The following TTC7A variants were observed in gnomAD, a reference collection of about 807,000 sequenced individuals.
The protein encoded by TTC7A is tetratricopeptide repeat domain 7A, also known as tetratricopeptide repeat protein 7A.
Under a neutral mutation model 103.7 loss-of-function variants are expected in TTC7A, and 110 were observed. The observed-to-expected ratio is 1.06, with a 90% CI of 0.91 to 1.24. The LOEUF is 1.24. TTC7A is among the 50% of genes most tolerant of loss of function. TTC7A has a pLI of 0.00. For synonymous variants in TTC7A, 521 were observed against 467.9 expected (o/e 1.11, Z -1.47); for missense variants, 1,340 against 1,116.3 (o/e 1.20, Z -2.86).
At position 46,961,023 on chromosome 2, in the gene TTC7A, A is replaced by G. The variant is rs1012591401; in HGVS notation, c.517+4016A>G. On this transcript the variant is annotated intron_variant, in intron 3 of 19. Transcript: ENST00000319190. ...TCAGAAAATTTGCTTTTATATTTCA[A>G]CCTAACATCCATCAACTTGGTCTAG... Among the ~76,000 whole-genome samples the G allele has an allele frequency of 3.9e-5, 6 of 152,224 alleles. No homozygotes were observed. In the East Asian group the frequency reaches 1.2e-3, roughly 29 times the overall value.
intron 18 of TTC7A, among the ~76,000 whole-genome samples, chr2:47,053,356 A>AT (rs70940655): frequency 0.17 from 25,902 of 152,188 alleles, 2,332 homozygotes; most frequent in Non-Finnish European, 0.2. Context: ...AAGGGGCCGC[A>AT]TGGAGCCCCA....
At chr2:46,925,143 G>T (rs746205157) in intron 2 of TTC7A, among the ~76,000 whole-genome samples, 1 of 152,066 alleles carries the variant, frequency 6.6e-6, no homozygotes, top group Non-Finnish European at 1.5e-5. Context: ...TCAGTGATGG[G>T]GGTTGTCTGG....
intron 18 of TTC7A, among the ~76,000 whole-genome samples, chr2:47,053,548 TTGGTTGGTTGG>T (rs1558633140): frequency 2.2e-4 from 31 of 143,476 alleles, no homozygotes; most frequent in Admixed American, 3.4e-4. Flanking sequence ...GTTTGTTTGG[TTGGTTGGTTGG>T]TTGGTTGGTT....
chr2:46,970,086 C>T (rs1231465471), intron 3 of TTC7A, among the ~76,000 whole-genome samples: 1 of 152,074 alleles, frequency 6.6e-6, no homozygotes, highest in Non-Finnish European at 1.5e-5. Flanking sequence ...ACCTCCCGGG[C>T]TCAAGCAATT....
chr2:47,028,064 G>T (rs1680106357), intron 14 of TTC7A, among the ~76,000 whole-genome samples: 1 of 152,198 alleles, frequency 6.6e-6, no homozygotes, highest in Non-Finnish European at 1.5e-5. Context: ...TCGGAGGCAA[G>T]GAGAGGGGCC....
intron 2 of TTC7A, among the ~76,000 whole-genome samples, chr2:46,955,634 G>A (rs1447642757): frequency 6.6e-6 from 1 of 152,200 alleles, no homozygotes; most frequent in Non-Finnish European, 1.5e-5. Flanking sequence ...AGGCCAGAAG[G>A]ACCAGTTGGG....
rs976135307 is a variant in TTC7A at position 47,007,573 on chromosome 2, C to T, written c.1287+849C>T. On this transcript the variant is annotated intron_variant, in intron 10 of 19. Coordinates refer to ENST00000319190, the MANE Select transcript of TTC7A (RefSeq NM_020458.4). The surrounding 1 kb of genome is among the most constrained non-coding windows in gnomAD (Gnocchi z 4.9). ...ATCTGTGCCACGTTCCATTTCTGGC[C>T]CCGCAGCCGTCTCTGAGGAGGGCCC... 6.6e-6 allele frequency among the ~76,000 whole-genome samples: 1 copy of T among 152,198 alleles called. No homozygotes were observed. The highest frequency in any genetic ancestry group is 1.5e-5 in the Non-Finnish European group (1 of 68,034).
intron 3 of TTC7A, among the ~76,000 whole-genome samples, chr2:46,966,652 A>G (rs1421318020): frequency 2.0e-5 from 3 of 148,454 alleles, no homozygotes; most frequent in Non-Finnish European, 4.5e-5. Flanking sequence ...TAAATTTTGT[A>G]TACATCACTT....
At chr2:46,946,444 G>A (rs544497394) in intron 1 of TTC7A, among the ~76,000 whole-genome samples, 1 of 152,060 alleles carries the variant, frequency 6.6e-6, no homozygotes, top group Non-Finnish European at 1.5e-5. Context: ...ATTTTCTAGA[G>A]ATGAGGTATT....
At chr2:47,008,768 G>A (rs956430222) in intron 10 of TTC7A, among the ~76,000 whole-genome samples, 5 of 152,168 alleles carry the variant, frequency 3.3e-5, no homozygotes, top group African/African-American at 4.8e-5. Flanking sequence ...TGCCCGAAAG[G>A]CCTTCCAGAA....
At chr2:46,929,339 T>C (rs1480329351) in intron 2 of TTC7A, among the ~76,000 whole-genome samples, 1 of 152,030 alleles carries the variant, frequency 6.6e-6, no homozygotes, top group East Asian at 1.9e-4. Context: ...ATTTAAAAAC[T>C]ACCTGGCTGT....
intron 18 of TTC7A, among the ~76,000 whole-genome samples, chr2:47,057,636 T>G (rs1683425403): frequency 1.3e-5 from 2 of 152,136 alleles, no homozygotes; most frequent in South Asian, 2.1e-4. Context: ...AAACTGAGCT[T>G]CTGGCGATGG....
rs1161003607 is a variant in TTC7A at position 46,934,787 on chromosome 2, C to CTTTTTTTTTTTTTTTTTT, written c.83-15561_83-15544dup. On this transcript the variant is annotated intron_variant, in intron 2 of 20. Coordinates refer to the TTC7A transcript ENST00000409245. ...GGAATAAGGTATGAAGACTACTGCT[C>CTTTTTTTTTTTTTTTTTT]TTTTTTTTTTTTTTTTTTTTTTTTT... Among the ~76,000 whole-genome samples, 7 of 66,916 alleles carry CTTTTTTTTTTTTTTTTTT rather than the reference C, an allele frequency of 1.0e-4. 1 individual carries two copies. Among genetic ancestry groups the CTTTTTTTTTTTTTTTTTT allele is most frequent in the Non-Finnish European group, 1.6e-4 (6 of 37,308 alleles). 43.9% of individuals were successfully genotyped at this position (66,916 alleles called of 152,430 possible). A position where few individuals can be genotyped will look rare whatever the true frequency, so the allele number is the denominator to read the frequency against.
intron 5 of TTC7A, among the ~76,000 whole-genome samples, chr2:46,993,219 G>C (rs1675803446): frequency 6.6e-6 from 1 of 152,222 alleles, no homozygotes; most frequent in South Asian, 2.1e-4. Flanking sequence ...CCAAGTTGCT[G>C]GGGGGAAAGA....
At chr2:47,068,869 AAAAAAAAAAAAAAAAAAAG>A (rs941090960) in intron 19 of TTC7A, among the ~76,000 whole-genome samples, 11 of 39,720 alleles carry the variant, frequency 2.8e-4, no homozygotes, top group African/African-American at 3.4e-4. Context: ...TTTCAAAAAA[AAAAAAAAAAAAAAAAAAAG>A]AAAGACTCAC....
upstream of TTC7A, chr2:46,916,013 C>G (rs887071738): frequency 3.0e-6 from 3 of 985,478 alleles, no homozygotes; most frequent in Non-Finnish European, 3.6e-6. Context: ...CGGCTCCACT[C>G]CAGTTGGGCC....
chr2:47,071,506 A>G (rs1323613430), intron 19 of TTC7A, among the ~76,000 whole-genome samples: 1 of 152,262 alleles, frequency 6.6e-6, no homozygotes, highest in East Asian at 1.9e-4. Context: ...TTTCAAGTTG[A>G]TCATTGCAGA....
chr2:47,044,324 G>A lies in TTC7A; in HGVS notation c.1803-1991G>A, dbSNP rs529427918. On this transcript the variant is annotated intron_variant, in intron 15 of 19. Coordinates refer to ENST00000319190, the MANE Select transcript of TTC7A (RefSeq NM_020458.4). Reference sequence around the variant, plus strand: ...TTTATAGCGCTCTAATTGTTGTCTCGAAGGCAGCCATTGTGTTTTCTTCTT... The same window carrying A: ...TTTATAGCGCTCTAATTGTTGTCTCAAAGGCAGCCATTGTGTTTTCTTCTT... 7.2e-5 allele frequency among the ~76,000 whole-genome samples: 11 copies of A among 152,298 alleles called. 1 individual carries two copies. Among genetic ancestry groups the A allele is most frequent in the African/African-American group, 2.4e-4 (10 of 41,554 alleles).
chr2:46,966,688 G>A (rs1463680575), intron 3 of TTC7A, among the ~76,000 whole-genome samples: 12 of 148,730 alleles, frequency 8.1e-5, no homozygotes, highest in Admixed American at 8.0e-4. Flanking sequence ...TGGAGATGGG[G>A]TCTATGTTGC....
Sources: allele counts gnomAD v4.1 joint callset (sites outside exome capture counted in the v4.1 genomes callset), GRCh38; gene constraint gnomAD v4.1.1; non-coding constraint Gnocchi (gnomAD v3.1); transcripts MANE v1.5; gene names NCBI Gene and HGNC (gene_info 2026-07-23, HGNC 2026-07-21).